Variants in ADCY8 observed in about 807,000 individuals in gnomAD.
The protein encoded by ADCY8 is adenylate cyclase type 8.
In ADCY8, 51 loss-of-function variants were observed where a neutral mutation model predicts 119.7. The ratio of observed to expected loss-of-function variants is 0.43; its 90% CI spans 0.34 to 0.54. The LOEUF (loss-of-function observed/expected upper bound fraction) is 0.54, where lower values mean the gene tolerates loss of function less well. ADCY8 is among the 20% of genes least tolerant of loss of function. The pLI is 0.03. For synonymous variants in ADCY8, 665 were observed against 651.0 expected, an observed-to-expected ratio of 1.02 and a Z score of -0.33; for missense variants, 1,383 against 1,598.8, an observed-to-expected ratio of 0.87 and a Z score of 2.30.
chr8:130,901,346 T>C (rs2130520454), intron 7 of ADCY8, among the ~76,000 whole-genome samples: 1 of 149,182 alleles, frequency 6.7e-6, no homozygotes, highest in Admixed American at 6.8e-5. Flanking sequence ...TATCTGAACA[T>C]CTGCTATCTA....
chr8:130,847,389 C>T, intron 11 of ADCY8, 35 bp downstream of exon 11: 2 of 1,488,824 alleles, frequency 1.3e-6, no homozygotes, highest in Middle Eastern at 3.5e-4. Flanking sequence ...ATATCTATGT[C>T]CAACTCTCAC....
chr8:130,905,448 GC>G (rs1444637619), intron 6 of ADCY8, among the ~76,000 whole-genome samples: 1 of 152,142 alleles, frequency 6.6e-6, no homozygotes, highest in Admixed American at 6.5e-5. Context: ...GTCCAATTCT[GC>G]TCAAAAGTCA....
intron 15 of ADCY8, among the ~76,000 whole-genome samples, chr8:130,795,764 G>A (rs139830139): frequency 3.9e-5 from 6 of 152,090 alleles, no homozygotes; most frequent in Non-Finnish European, 7.4e-5. Context: ...GAGAACACAG[G>A]TAGGTGCTTG....
At chr8:131,015,249 T>C (rs909003965) in intron 1 of ADCY8, among the ~76,000 whole-genome samples, 2 of 152,142 alleles carry the variant, frequency 1.3e-5, no homozygotes, top group South Asian at 2.1e-4. Context: ...AAAAATAACA[T>C]TTTATTTGCC....
chr8:130,795,803 G>GTGTA (rs200647466), intron 15 of ADCY8, among the ~76,000 whole-genome samples: 1,632 of 152,214 alleles, frequency 0.011, 33 homozygotes, highest in African/African-American at 0.037. Context: ...GTGTGTTTGT[G>GTGTA]TGTATGTATA....
chr8:131,032,315 T>C (rs1034884725), intron 1 of ADCY8, among the ~76,000 whole-genome samples: 5 of 152,176 alleles, frequency 3.3e-5, no homozygotes, highest in Non-Finnish European at 7.3e-5. Context: ...CTTGGATATA[T>C]AAAGCAGGAA....
intron 1 of ADCY8, among the ~76,000 whole-genome samples, chr8:131,026,358 T>A (rs1394318646): frequency 2.6e-5 from 4 of 152,104 alleles, no homozygotes; most frequent in Non-Finnish European, 4.4e-5. Context: ...CTTCCCAGCC[T>A]CCAGAACTAT....
At chr8:130,920,311 A>G (rs1179992127) in intron 5 of ADCY8, among the ~76,000 whole-genome samples, 2 of 152,042 alleles carry the variant, frequency 1.3e-5, no homozygotes, top group Non-Finnish European at 2.9e-5. Context: ...GCAACAGACA[A>G]ACAGTGTGCC....
At chr8:130,897,025 G>A (rs75593679) in intron 7 of ADCY8, among the ~76,000 whole-genome samples, 6,367 of 152,130 alleles carry the variant, frequency 0.042, 186 homozygotes, top group Middle Eastern at 0.11. Context: ...GGGGAGAAGT[G>A]GTTGCCCAAG....
intron 2 of ADCY8, among the ~76,000 whole-genome samples, chr8:130,971,489 A>G (rs1235451333): frequency 6.6e-6 from 1 of 152,174 alleles, no homozygotes; most frequent in Non-Finnish European, 1.5e-5. Flanking sequence ...TCATAATATC[A>G]TTCATTTATC....
chr8:130,805,602 A>G (rs1235475386), intron 14 of ADCY8, among the ~76,000 whole-genome samples: 1 of 152,138 alleles, frequency 6.6e-6, no homozygotes, highest in Non-Finnish European at 1.5e-5. Context: ...TAACTGATGG[A>G]GGGAGTGGCT....
intron 2 of ADCY8, among the ~76,000 whole-genome samples, chr8:130,986,056 C>A (rs1822393273): frequency 6.6e-6 from 1 of 152,112 alleles, no homozygotes; most frequent in African/African-American, 2.4e-5. Flanking sequence ...GGGCCATTTG[C>A]ATCATTTGGG....
intron 5 of ADCY8, among the ~76,000 whole-genome samples, chr8:130,929,939 A>G (rs898747992): frequency 6.6e-6 from 1 of 152,180 alleles, no homozygotes; most frequent in Non-Finnish European, 1.5e-5. Flanking sequence ...TTTATCTTGC[A>G]TAAGTATAGG....
At chr8:130,785,533 G>T (rs1815224231) in intron 15 of ADCY8, 58 bp from the exon 16 acceptor site, 2 of 1,379,612 alleles carry the variant, frequency 1.4e-6, no homozygotes, top group Admixed American at 2.1e-5. Flanking sequence ...AGCAGCCTGG[G>T]CTCCTGAAAA....
chr8:130,999,983 G>A (rs1220723510), intron 1 of ADCY8, among the ~76,000 whole-genome samples: 1 of 152,118 alleles, frequency 6.6e-6, no homozygotes, highest in East Asian at 1.9e-4. Flanking sequence ...ACTGAAATTG[G>A]GAGACTAAAT....
In ADCY8 at chr8:130,780,555, C is replaced by T. The variant is rs187588768; in HGVS notation, c.3591G>A (p.Leu1197=). The T allele has an allele frequency of 1.1e-5, 18 of 1,614,118 alleles. No homozygotes were observed. In the East Asian group the frequency reaches 3.6e-4, roughly 32 times the overall value. The change falls in exon 18 of 18, where the codon CTG becomes CTA. Residue 1197 remains leucine, a synonymous_variant. Coordinates refer to ENST00000286355, the MANE Select transcript of ADCY8 (RefSeq NM_001115.3). ...GCCTATTGAGGGACTGGACAAGTCCCAGGACAACCGCGGCCAGGGAGTACT... is the reference window on the plus strand; with the variant it reads ...GCCTATTGAGGGACTGGACAAGTCCTAGGACAACCGCGGCCAGGGAGTACT... ...PGQYSLAAVV[L]GLVQSLNRQR...
intron 8 of ADCY8, among the ~76,000 whole-genome samples, chr8:130,869,954 T>G (rs939682456): frequency 2.8e-5 from 2 of 71,642 alleles, no homozygotes; most frequent in Admixed American, 3.1e-4. Flanking sequence ...CTTCTTCTTC[T>G]TCTTCTTCCT....
intron 5 of ADCY8, among the ~76,000 whole-genome samples, chr8:130,912,434 G>A (rs1351075052): frequency 1.3e-5 from 2 of 152,130 alleles, no homozygotes; most frequent in Non-Finnish European, 2.9e-5. Flanking sequence ...GTCCTCGAAG[G>A]CATTATTCCT....
At chr8:130,858,144 C>G (rs1817808517) in intron 9 of ADCY8, among the ~76,000 whole-genome samples, 1 of 151,486 alleles carries the variant, frequency 6.6e-6, no homozygotes, top group Non-Finnish European at 1.5e-5. Context: ...ATTTCCTGTT[C>G]CAGCCCTAAA....
Sources: gnomAD v4.1 joint callset for allele counts (sites outside exome capture counted in the v4.1 genomes callset) on GRCh38, gnomAD v4.1.1 for gene constraint, MANE v1.5 for transcripts, NCBI Gene and HGNC (gene_info 2026-07-23, HGNC 2026-07-21) for gene names.